MMP16: variants seen among roughly 807,000 people sequenced by gnomAD.
MMP16 encodes the protein matrix metallopeptidase 16.
A neutral mutation model predicts 67.8 loss-of-function variants in MMP16; 12 were observed. The observed-to-expected ratio is 0.18, with a 90% CI of 0.11 to 0.29. The LOEUF (loss-of-function observed/expected upper bound fraction) is 0.29, where lower values mean the gene tolerates loss of function less well. MMP16 is among the 10% of genes least tolerant of loss of function. The pLI is 1.00. For synonymous variants in MMP16, 249 were observed against 255.9 expected, an observed-to-expected ratio of 0.97 and a Z score of 0.26; for missense variants, 475 against 765.7, an observed-to-expected ratio of 0.62 and a Z score of 4.48.
chr8:88,182,058 T>C (rs186019187), intron 3 of MMP16, among the ~76,000 whole-genome samples: 36 of 152,140 alleles, frequency 2.4e-4, no homozygotes, highest in Admixed American at 6.5e-4. Context: ...ACATCTAGAA[T>C]ACAACATAAG....
At chr8:88,233,600 A>C (rs1375585515) in intron 1 of MMP16, among the ~76,000 whole-genome samples, 1 of 152,214 alleles carries the variant, frequency 6.6e-6, no homozygotes, top group Non-Finnish European at 1.5e-5. Context: ...TTCCAAGAGC[A>C]CATTCTTTCT....
chr8:88,277,190 C>T (rs895662272), intron 1 of MMP16, among the ~76,000 whole-genome samples: 12 of 152,086 alleles, frequency 7.9e-5, no homozygotes, highest in Non-Finnish European at 1.5e-4. Flanking sequence ...TTGTTATTTC[C>T]ATTTCAAAAC....
At chr8:88,259,199 C>T (rs2129943491) in intron 1 of MMP16, among the ~76,000 whole-genome samples, 1 of 152,204 alleles carries the variant, frequency 6.6e-6, no homozygotes, top group Middle Eastern at 3.4e-3. Flanking sequence ...ATGGATGCTA[C>T]CTATATATAG....
At chr8:88,235,937 A>T (rs2129885156) in intron 1 of MMP16, among the ~76,000 whole-genome samples, 1 of 152,282 alleles carries the variant, frequency 6.6e-6, no homozygotes, top group East Asian at 1.9e-4. Flanking sequence ...TATTATTTTC[A>T]AACCTCATAA....
At chr8:88,074,485 T>C in intron 7 of MMP16, 120 bp downstream of exon 7, 1 of 798,528 alleles carries the variant, frequency 1.3e-6, no homozygotes, top group Non-Finnish European at 1.8e-6. Context: ...CTAGTTAACA[T>C]AGTTTATTTC....
chr8:88,224,734 A>G (rs990372625), intron 1 of MMP16, among the ~76,000 whole-genome samples: 7 of 151,996 alleles, frequency 4.6e-5, no homozygotes, highest in African/African-American at 1.7e-4. Flanking sequence ...TGTGGAAAAA[A>G]AAAGGATTTC....
Position 88,032,250 on chromosome 8 carries a change from A to G in MMP16, c.*9211T>C, listed in dbSNP as rs990425268. 7.2e-5 allele frequency: 11 copies of G among 152,214 alleles called. No individual in the cohort carries two copies. The highest frequency in any genetic ancestry group is 6.6e-5 in the Admixed American group (1 of 15,256). 9.4% of individuals were successfully genotyped at this position (152,214 alleles called of 1,614,324 possible). Reference sequence around the variant, plus strand: ...CCTTAACTCTTTGATTGCCATGGCAAGAACCATGCTGATGATTCTAGCTTG... The same window carrying G: ...CCTTAACTCTTTGATTGCCATGGCAGGAACCATGCTGATGATTCTAGCTTG... On this transcript the variant is annotated 3_prime_UTR_variant, in exon 10 of 10. Transcript: ENST00000286614.
chr8:88,187,431 T>C (rs1020347738), intron 2 of MMP16, among the ~76,000 whole-genome samples: 3 of 152,188 alleles, frequency 2.0e-5, no homozygotes, highest in Non-Finnish European at 4.4e-5. Flanking sequence ...GGGTAGTTTT[T>C]CTTTAGTGCG....
intron 1 of MMP16, among the ~76,000 whole-genome samples, chr8:88,266,084 C>A (rs999841813): frequency 6.6e-6 from 1 of 152,200 alleles, no homozygotes; most frequent in Non-Finnish European, 1.5e-5. Flanking sequence ...TAGGAGAATT[C>A]CAAACATCAT....
intron 4 of MMP16, among the ~76,000 whole-genome samples, chr8:88,166,505 T>C (rs902795300): frequency 6.6e-6 from 1 of 151,414 alleles, no homozygotes; most frequent in Non-Finnish European, 1.5e-5. Flanking sequence ...GATTTTTACA[T>C]AATTTTTGCA....
At chr8:88,194,378 G>A (rs577650985) in intron 2 of MMP16, among the ~76,000 whole-genome samples, 1 of 152,060 alleles carries the variant, frequency 6.6e-6, no homozygotes, top group South Asian at 2.1e-4. Flanking sequence ...TATGTAATAA[G>A]TGTCAGATAA....
chr8:88,238,250 C>T (rs1472469429), intron 1 of MMP16, among the ~76,000 whole-genome samples: 5 of 152,122 alleles, frequency 3.3e-5, no homozygotes, highest in African/African-American at 7.2e-5. Flanking sequence ...TAGTGTCTCA[C>T]GCCTGTAATC....
rs147955369 is a variant in MMP16, at chr8:88,246,920, C to T, written c.133-49614G>A. Among the ~76,000 whole-genome samples, 11 of 152,186 alleles carry T rather than the reference C, an allele frequency of 7.2e-5. No individual in the cohort carries two copies. In the East Asian group the frequency reaches 7.7e-4, roughly 11 times the overall value. On this transcript the variant is annotated intron_variant, in intron 1 of 9. Transcript: ENST00000286614. ...CAATTTTACATTGAATTTCATTCATCGAATTAAATCTTATTCTGAGTGTAT... is the reference window on the plus strand; with the variant it reads ...CAATTTTACATTGAATTTCATTCATTGAATTAAATCTTATTCTGAGTGTAT...
In MMP16 at chr8:88,056,142, G is replaced by A. The variant is rs2118225547; in HGVS notation, c.1359C>T (p.Phe453=). The A allele has an allele frequency of 6.4e-7, 1 of 1,571,062 alleles. No individual in the cohort carries two copies. The highest frequency in any genetic ancestry group is 8.7e-7 in the Non-Finnish European group (1 of 1,155,684). Residue 453 remains phenylalanine (F), a synonymous_variant, in exon 8 of 10, where the codon TTC becomes TTT. Transcript: ENST00000286614. ...IWWEDVGKTY[F]FKGDRYWRYS... is the part of the protein sequence containing the mutation. ...TGTATACTGACCTGTCTCCCTTGAA[G>A]AAATAGGTTTTCCCGACGTCCTCCC...
Position 88,036,119 on chromosome 8 carries a change from A to G in MMP16, c.*5342T>C, listed in dbSNP as rs1808050380. The G allele has an allele frequency of 6.6e-6, 1 of 151,914 alleles. No homozygotes were observed. Among genetic ancestry groups the G allele is most frequent in the African/African-American group, 2.4e-5 (1 of 41,436 alleles). The allele number at this position is 151,914 out of a possible 1,614,324, so 9.4% of individuals were successfully genotyped here. On this transcript the variant is annotated 3_prime_UTR_variant, in exon 10 of 10. Coordinates refer to ENST00000286614, the MANE Select transcript of MMP16 (RefSeq NM_005941.5). Reference sequence around the variant, plus strand: ...TTGTCTCAGGGGATTCTAACATTATATATCTTTCCAACTTGAGGTTACTGA... The same window carrying G: ...TTGTCTCAGGGGATTCTAACATTATGTATCTTTCCAACTTGAGGTTACTGA...
At chr8:88,084,530 A>C (rs930572107) in intron 6 of MMP16, among the ~76,000 whole-genome samples, 1 of 152,016 alleles carries the variant, frequency 6.6e-6, no homozygotes, top group Admixed American at 6.6e-5. Context: ...AGACATAGTC[A>C]AAAGCAACAC....
chr8:88,041,419 C>G lies in MMP16; in HGVS notation c.*42G>C. ...GCTCTTGTCTTGAATCTCAAGTTAC[C>G]ACAAACTCCTGCAAAAGAAAGAAAG... On this transcript the variant is annotated 3_prime_UTR_variant, in exon 10 of 10. Coordinates refer to ENST00000286614, the MANE Select transcript of MMP16 (RefSeq NM_005941.5). The surrounding 1 kb of genome is among the most constrained non-coding windows in gnomAD (Gnocchi z 6.0). 3 of 1,567,728 alleles carry G rather than the reference C, an allele frequency of 1.9e-6. No individual in the cohort carries two copies. Among genetic ancestry groups the G allele is most frequent in the Non-Finnish European group, 2.6e-6 (3 of 1,151,370 alleles).
chr8:88,111,788 T>C (rs1344619648), intron 6 of MMP16, among the ~76,000 whole-genome samples: 1 of 151,734 alleles, frequency 6.6e-6, no homozygotes, highest in Non-Finnish European at 1.5e-5. Context: ...GTGATGTTTA[T>C]GAAACAAAAC....
chr8:88,218,805 T>G (rs958851112), intron 1 of MMP16, among the ~76,000 whole-genome samples: 1 of 152,058 alleles, frequency 6.6e-6, no homozygotes, highest in African/African-American at 2.4e-5. Context: ...CTTCATAATA[T>G]GGTATCAAAT....
Sources: allele counts gnomAD v4.1 joint callset (sites outside exome capture counted in the v4.1 genomes callset), GRCh38; gene constraint gnomAD v4.1.1; non-coding constraint Gnocchi (gnomAD v3.1); transcripts MANE v1.5; gene names NCBI Gene and HGNC (gene_info 2026-07-23, HGNC 2026-07-21).